Variants in ELMO1 observed in about 807,000 individuals in gnomAD.
ELMO1 encodes the protein engulfment and cell motility 1.
Under a neutral mutation model 98.9 loss-of-function variants are expected in ELMO1, and 26 were observed. That is an observed-to-expected ratio of 0.26 (90% confidence interval 0.19 to 0.36). ELMO1 has a LOEUF of 0.36. ELMO1 is among the 10% of genes least tolerant of loss of function. The pLI is 1.00. For synonymous variants in ELMO1, 346 were observed against 346.0 expected, an observed-to-expected ratio of 1.00 and a Z score of 0.00; for missense variants, 627 against 935.2, an observed-to-expected ratio of 0.67 and a Z score of 4.30.
intron 17 of ELMO1, among the ~76,000 whole-genome samples, chr7:36,894,310 G>A (rs748893383): frequency 1.3e-4 from 20 of 152,196 alleles, no homozygotes; most frequent in Non-Finnish European, 1.6e-4. Context: ...CCCACTGTAG[G>A]AATGTAGGTT....
At chr7:37,118,090 C>A (rs1785724131) in intron 14 of ELMO1, among the ~76,000 whole-genome samples, 2 of 152,186 alleles carry the variant, frequency 1.3e-5, no homozygotes, top group Non-Finnish European at 2.9e-5. Flanking sequence ...AGTTTAATTG[C>A]ACATTACACA....
At chr7:37,076,863 C>A (rs1797609845) in intron 15 of ELMO1, among the ~76,000 whole-genome samples, 1 of 152,228 alleles carries the variant, frequency 6.6e-6, no homozygotes, top group African/African-American at 2.4e-5. Flanking sequence ...TAGTGACAGG[C>A]AATATCTGCT....
intron 16 of ELMO1, among the ~76,000 whole-genome samples, chr7:37,000,974 C>T (rs1465122983): frequency 6.6e-6 from 1 of 150,558 alleles, no homozygotes; most frequent in Non-Finnish European, 1.5e-5. Flanking sequence ...CGTTTTTTAA[C>T]AAGGAGTTCC....
intron 13 of ELMO1, among the ~76,000 whole-genome samples, chr7:37,151,664 G>T (rs1053778186): frequency 6.6e-6 from 1 of 152,166 alleles, no homozygotes; most frequent in Non-Finnish European, 1.5e-5. Flanking sequence ...TGGTTTTCTG[G>T]AGAACATATT....
intron 1 of ELMO1, among the ~76,000 whole-genome samples, chr7:37,433,589 T>C (rs1232232147): frequency 2.0e-5 from 3 of 152,108 alleles, no homozygotes; most frequent in African/African-American, 7.2e-5. Context: ...TCAACCCGAT[T>C]TCACCTGATT....
rs115059427 is a variant in ELMO1 at position 37,434,278 on chromosome 7, G to A, written c.-74+14397C>T. On this transcript the variant is annotated intron_variant, in intron 1 of 21. Transcript: ENST00000310758. ...ATGCTTCTTGAAAGAAAAGAAAAGT[G>A]AAGTCTGGGACCACGTGCACTGGGA... 3.8e-3 allele frequency among the ~76,000 whole-genome samples: 571 copies of A among 152,240 alleles called. 5 individuals are homozygous for A. The highest frequency in any genetic ancestry group is 0.013 in the African/African-American group (545 of 41,542).
chr7:37,253,299 G>T (rs2717962), intron 6 of ELMO1, among the ~76,000 whole-genome samples: 58,641 of 152,014 alleles, frequency 0.39, 12,285 homozygotes, highest in African/African-American at 0.55. Context: ...GCAGCACTGT[G>T]CACAATAGCA....
intron 20 of ELMO1, among the ~76,000 whole-genome samples, chr7:36,865,054 G>A (rs1268846085): frequency 1.3e-5 from 2 of 152,182 alleles, no homozygotes; most frequent in Non-Finnish European, 2.9e-5. Flanking sequence ...CCTGGGTTTG[G>A]GGACTGCCAT....
At chr7:37,302,207 A>G (rs1226134316) in intron 4 of ELMO1, among the ~76,000 whole-genome samples, 1 of 152,122 alleles carries the variant, frequency 6.6e-6, no homozygotes, top group Non-Finnish European at 1.5e-5. Flanking sequence ...TGCAGTGGCT[A>G]TTCACAGGTA....
chr7:36,980,657 G>A (rs1397467288), intron 16 of ELMO1, among the ~76,000 whole-genome samples: 2 of 152,208 alleles, frequency 1.3e-5, no homozygotes, highest in African/African-American at 4.8e-5. Context: ...TAGCAAATTA[G>A]TAGACTTCCA....
At chr7:37,096,779 T>C in intron 14 of ELMO1, 52 bp from the exon 15 acceptor site, 1 of 1,471,798 alleles carries the variant, frequency 6.8e-7, no homozygotes, top group Non-Finnish European at 9.5e-7. Context: ...GTGGAAAACA[T>C]CAAGAATATC....
rs1161273310 is a variant in ELMO1 at position 36,959,644 on chromosome 7, C to A, written c.1437+53655G>T. 3.9e-5 allele frequency among the ~76,000 whole-genome samples: 6 copies of A among 152,110 alleles called. 1 individual carries two copies. The highest frequency in any genetic ancestry group is 5.9e-5 in the Non-Finnish European group (4 of 68,024). On this transcript the variant is annotated intron_variant, in intron 16 of 21. Transcript: ENST00000310758. ...CCAGAAGCAATGCAATTGTCTTGAG[C>A]TCCCTCTCTATAATCTCTTTTCAAA...
chr7:37,444,670 G>A (rs916910646), intron 1 of ELMO1, among the ~76,000 whole-genome samples: 3 of 141,484 alleles, frequency 2.1e-5, no homozygotes, highest in Admixed American at 6.8e-5. Context: ...CCACTACCAC[G>A]CCCGGCTAAT....
chr7:37,431,845 G>A (rs921969263), intron 1 of ELMO1, among the ~76,000 whole-genome samples: 1 of 151,872 alleles, frequency 6.6e-6, no homozygotes, highest in African/African-American at 2.4e-5. Flanking sequence ...TGGAGGCCAG[G>A]TGATCTATGA....
intron 15 of ELMO1, among the ~76,000 whole-genome samples, chr7:37,064,499 A>T (rs1796846090): frequency 6.6e-6 from 1 of 152,150 alleles, no homozygotes; most frequent in Non-Finnish European, 1.5e-5. Context: ...TGTGCCTCGG[A>T]TTCCTCATCT....
intron 15 of ELMO1, among the ~76,000 whole-genome samples, chr7:37,016,240 G>A (rs1324990804): frequency 6.6e-6 from 1 of 152,064 alleles, no homozygotes; most frequent in Admixed American, 6.5e-5. Flanking sequence ...GGGTAAAGAG[G>A]GAAGTGACAT....
chr7:37,418,663 T>C (rs1420992560), intron 1 of ELMO1, among the ~76,000 whole-genome samples: 1 of 152,158 alleles, frequency 6.6e-6, no homozygotes, highest in African/African-American at 2.4e-5. Context: ...TCAGATAACC[T>C]CGGTCAGATG....
intron 13 of ELMO1, among the ~76,000 whole-genome samples, chr7:37,203,516 C>T (rs1351426887): frequency 2.0e-5 from 3 of 151,778 alleles, no homozygotes; most frequent in African/African-American, 7.3e-5. Context: ...AGATAGTCCC[C>T]CTACAATGGG....
At chr7:37,196,010 A>T (rs543800352) in intron 13 of ELMO1, among the ~76,000 whole-genome samples, 2 of 152,368 alleles carry the variant, frequency 1.3e-5, no homozygotes, top group Non-Finnish European at 2.9e-5. Context: ...TTTCTGGGTT[A>T]TCATGAAGCA....
Sources: gnomAD v4.1 joint callset for allele counts (sites outside exome capture counted in the v4.1 genomes callset) on GRCh38, gnomAD v4.1.1 for gene constraint, MANE v1.5 for transcripts, NCBI Gene and HGNC (gene_info 2026-07-23, HGNC 2026-07-21) for gene names.